FAM187A: variants seen among roughly 807,000 people sequenced by gnomAD.
The protein encoded by FAM187A is family with sequence similarity 187 member A, also known as Ig-like V-type domain-containing protein FAM187A.
Under a neutral mutation model 6.4 loss-of-function variants are expected in FAM187A, and 4 were observed. That is an observed-to-expected ratio of 0.63 (90% CI 0.31 to 1.44). FAM187A has a LOEUF of 1.44. FAM187A is among the 40% of genes most tolerant of loss of function. FAM187A has a pLI of 0.07. For missense variants in FAM187A, 463 were observed against 542.2 expected (o/e 0.85, Z 1.45); for synonymous variants, 221 against 213.4 (o/e 1.04, Z -0.31).
exon 4 of FAM187A, chr17:44,903,906 T>C: frequency 4.5e-6 from 7 of 1,550,562 alleles, no homozygotes; most frequent in Non-Finnish European, 6.1e-6. Flanking sequence ...AAGGAAAACA[T>C]TTTTCAGAGG....
At chr17:44,904,180 T>G in exon 4 of FAM187A, 2 of 1,550,540 alleles carry the variant, frequency 1.3e-6, no homozygotes, top group Non-Finnish European at 1.7e-6. Flanking sequence ...GGGCTCAGTC[T>G]GAGGACTCAG....
At chr17:44,905,119 A>T (rs376993517) in exon 4 of FAM187A, 2 of 1,404,138 alleles carry the variant, frequency 1.4e-6, no homozygotes, top group African/African-American at 1.4e-5. Context: ...TGTGTTTGTT[A>T]AATGATACCA....
At chr17:44,905,300 C>T (rs962381027) in exon 4 of FAM187A, 1 of 550,154 alleles carries the variant, frequency 1.8e-6, no homozygotes, top group African/African-American at 1.9e-5. Flanking sequence ...AAGTAGGGCA[C>T]ATGTGTTTCC....
chr17:44,905,159 G>A, exon 4 of FAM187A: 1 of 1,057,140 alleles, frequency 9.5e-7, no homozygotes, highest in Non-Finnish European at 1.4e-6. Context: ...CCTGGGTTGG[G>A]ACAGGTGGTA....
At position 44,904,355 on chromosome 17, in the gene FAM187A, A is replaced by AC; in HGVS notation, c.531dup (p.Cys178LeufsTer2). On this transcript the variant is annotated frameshift_variant, in exon 4 of 4. Transcript: ENST00000331733. LOFTEE classifies it low-confidence loss of function (END_TRUNC). ...TGTCTTCACCACCTTCTGGGAATGG[A>AC]CCCCCTGTGACCGCTGCGGAGTGCG... The AC allele has an allele frequency of 1.3e-6, 2 of 1,542,298 alleles. No homozygotes were observed. The highest frequency in any genetic ancestry group is 1.4e-5 in the African/African-American group (1 of 72,916).
At chr17:44,905,110 G>A (rs1404846984) in exon 4 of FAM187A, 2 of 1,452,528 alleles carry the variant, frequency 1.4e-6, no homozygotes, top group Non-Finnish European at 9.3e-7. Flanking sequence ...GTCCTTCAAT[G>A]TGTTTGTTAA....
At chr17:44,904,750 C>G (rs983864291) in exon 4 of FAM187A, 13 of 1,550,520 alleles carry the variant, frequency 8.4e-6, no homozygotes, top group East Asian at 2.4e-5. Context: ...GCCAGCACCT[C>G]TACCGCACAC....
exon 4 of FAM187A, chr17:44,905,095 C>T (rs556632207): frequency 2.0e-6 from 3 of 1,479,462 alleles, no homozygotes; most frequent in East Asian, 5.0e-5. Flanking sequence ...CTCTGAAGAC[C>T]AGTTGTCCTT....
At chr17:44,904,679 G>C in exon 4 of FAM187A, 1 of 1,550,576 alleles carries the variant, frequency 6.4e-7, no homozygotes, top group Non-Finnish European at 8.7e-7. Context: ...ACTGGGCCAT[G>C]GACTCATCAT....
chr17:44,905,145 G>A, exon 4 of FAM187A: 3 of 1,240,340 alleles, frequency 2.4e-6, no homozygotes, highest in South Asian at 1.5e-5. Context: ...CTCTGGGTGG[G>A]TACCCTGGGT....
exon 4 of FAM187A, chr17:44,903,918 C>T: frequency 1.3e-6 from 2 of 1,550,610 alleles, no homozygotes; most frequent in Non-Finnish European, 1.7e-6. Flanking sequence ...TTTCAGAGGA[C>T]CCCCTGCCCT....
chr17:44,904,976 A>T, exon 4 of FAM187A: 1 of 1,550,710 alleles, frequency 6.4e-7, no homozygotes, highest in Non-Finnish European at 8.7e-7. Context: ...GCTCACCCTG[A>T]TAGGCTACCT....
exon 4 of FAM187A, chr17:44,904,764 A>G (rs2079719986): frequency 1.3e-6 from 2 of 1,550,476 alleles, no homozygotes; most frequent in Non-Finnish European, 1.7e-6. Context: ...CGCACACAGT[A>G]CCTGAAGGGT....
At chr17:44,905,037 A>T (rs1345149232) in exon 4 of FAM187A, 3 of 1,548,118 alleles carry the variant, frequency 1.9e-6, no homozygotes, top group South Asian at 2.4e-5. Context: ...TGCTGCTGCT[A>T]CTTATTTCAC....
At chr17:44,903,442 AC>A in exon 4 of FAM187A, 2 of 1,251,784 alleles carry the variant, frequency 1.6e-6, no homozygotes, top group Non-Finnish European at 2.0e-6. Context: ...AGACTTTTCC[AC>A]CAGGCTGGCA....
exon 4 of FAM187A, chr17:44,903,464 T>G: frequency 7.9e-7 from 1 of 1,267,498 alleles, no homozygotes; most frequent in East Asian, 3.0e-5. Context: ...GGGCAGGGCC[T>G]GGAGCACTGA....
chr17:44,904,262 G>A (rs776426119), exon 4 of FAM187A: 15 of 1,550,334 alleles, frequency 9.7e-6, no homozygotes, highest in Middle Eastern at 1.7e-4. Context: ...GAACAGTGAG[G>A]GAATGGTGGC....
chr17:44,904,006 G>A (rs1015087339), exon 4 of FAM187A: 1 of 1,550,660 alleles, frequency 6.4e-7, no homozygotes, highest in Non-Finnish European at 8.7e-7. Flanking sequence ...AACCCGAAGA[G>A]GTGCCAGCTG....
rs533973755 is a variant in FAM187A, at chr17:44,904,360, C to T, written c.531C>T (p.Pro177=). The T allele has an allele frequency of 7.1e-6, 11 of 1,544,074 alleles. No individual in the cohort carries two copies. In the South Asian group the frequency reaches 1.3e-4, roughly 18 times the overall value. Residue 177 remains proline (P), a synonymous_variant, in exon 4 of 4, where the codon CCC becomes CCT. Transcript: ENST00000331733. The stretch of plus-strand genomic sequence containing the variant: ...TCACCACCTTCTGGGAATGGACCCC[C>T]TGTGACCGCTGCGGAGTGCGTGGGG...
Sources: gnomAD v4.1 joint callset for allele counts on GRCh38, gnomAD v4.1.1 for gene constraint, MANE v1.5 for transcripts, NCBI Gene and HGNC (gene_info 2026-07-23, HGNC 2026-07-21) for gene names.